Variants in LRRK2 observed in about 807,000 individuals in gnomAD.
LRRK2 encodes the protein leucine rich repeat kinase 2.
Under a neutral mutation model 302.6 loss-of-function variants are expected in LRRK2, and 203 were observed. That is an observed-to-expected ratio of 0.67 (90% CI 0.60 to 0.75). LRRK2 has a LOEUF of 0.75. Ranked by LOEUF, LRRK2 falls within the 30% of genes least tolerant of loss-of-function variation. The pLI, the probability that LRRK2 is intolerant of heterozygous loss-of-function variation, is 0.00. For synonymous variants in LRRK2, 1,066 were observed against 1,031.9 expected (o/e 1.03, Z -0.63); for missense variants, 2,830 against 2,951.0 (o/e 0.96, Z 0.95).
In LRRK2 at chr12:40,249,813, A is replaced by G; in HGVS notation, c.839-13A>G. On this transcript the variant is annotated splice_polypyrimidine_tract_variant and intron_variant, in intron 7 of 50. Transcript: ENST00000298910. ...TGGATGAGAATTCAGCTAATGTTTC[A>G]CTTAACTTTTAGGTAATTTTTTCAA... is the stretch of plus-strand genomic sequence containing the variant. The G allele has an allele frequency of 6.2e-7, 1 of 1,613,188 alleles. No individual in the cohort carries two copies.
rs1233149412 is a variant in LRRK2 at position 40,368,833 on chromosome 12, T to C, written c.*1068T>C. ...TCTGCCACCCTAGGCTTCCAAATTATACTTAAATTGTTTACATAGCTTACC... is the reference window on the plus strand; with the variant it reads ...TCTGCCACCCTAGGCTTCCAAATTACACTTAAATTGTTTACATAGCTTACC... On this transcript the variant is annotated 3_prime_UTR_variant, in exon 51 of 51. Transcript: ENST00000298910. 6.6e-6 allele frequency: 1 copy of C among 151,854 alleles called. No individual in the cohort carries two copies. The highest frequency in any genetic ancestry group is 2.4e-5 in the African/African-American group (1 of 41,382). 9.4% of individuals were successfully genotyped at this position (151,854 alleles called of 1,614,324 possible). A position where few individuals can be genotyped will look rare whatever the true frequency, so the allele number is the denominator to read the frequency against.
chr12:40,358,549 G>GT (rs898709769), intron 46 of LRRK2, among the ~76,000 whole-genome samples: 1 of 152,038 alleles, frequency 6.6e-6, no homozygotes, highest in Non-Finnish European at 1.5e-5. Context: ...AAATATGTGG[G>GT]TTTATTTCTG....
chr12:40,276,923 C>A (rs947436456), intron 16 of LRRK2, among the ~76,000 whole-genome samples: 1 of 152,128 alleles, frequency 6.6e-6, no homozygotes, highest in Admixed American at 6.5e-5. Context: ...ACCTCTGCCT[C>A]CTGGGCCCAT....
intron 7 of LRRK2, among the ~76,000 whole-genome samples, chr12:40,246,199 G>T (rs1941973114): frequency 1.3e-5 from 2 of 151,286 alleles, no homozygotes; most frequent in African/African-American, 4.8e-5. Flanking sequence ...TTTACAATGT[G>T]GGCTTAAAAA....
chr12:40,232,112 T>A lies in LRRK2; in HGVS notation c.238-162T>A, dbSNP rs866247924. Among the ~76,000 whole-genome samples, 26 of 152,320 alleles carry A rather than the reference T, an allele frequency of 1.7e-4. No individual in the cohort carries two copies. In the Middle Eastern group the frequency reaches 0.017, roughly 100 times the overall value. On this transcript the variant is annotated intron_variant, in intron 2 of 50. Transcript: ENST00000298910. ...GTATCCTAAGAATACGGCTTGCTTT[T>A]GTTTCTGGGTAAGCATTTTAGGGTA...
chr12:40,315,707 C>CTTAAATGCT (rs1346768453), intron 33 of LRRK2, among the ~76,000 whole-genome samples: 2 of 151,966 alleles, frequency 1.3e-5, no homozygotes, highest in Non-Finnish European at 2.9e-5. Flanking sequence ...TGAGTTTTGA[C>CTTAAATGCT]TTAAGTGAAA....
At chr12:40,340,657 G>A (rs1310815758) in intron 41 of LRRK2, among the ~76,000 whole-genome samples, 1 of 152,070 alleles carries the variant, frequency 6.6e-6, no homozygotes, top group African/African-American at 2.4e-5. Context: ...ATTTTTCAGG[G>A]CAAAAACTGA....
chr12:40,334,411 C>A (rs1044963467), intron 39 of LRRK2, among the ~76,000 whole-genome samples: 1 of 152,114 alleles, frequency 6.6e-6, no homozygotes, highest in Non-Finnish European at 1.5e-5. Context: ...TAACTTTTGA[C>A]CTCCCCAAAA....
At chr12:40,303,884 G>A in intron 26 of LRRK2, 64 bp from the exon 27 acceptor site, 1 of 1,479,504 alleles carries the variant, frequency 6.8e-7, no homozygotes, top group East Asian at 2.3e-5. Context: ...AATTATTTGT[G>A]ATGTTATTTC....
At chr12:40,274,561 GC>G (rs770749642) in intron 14 of LRRK2, 21 bp from the exon 15 acceptor site, 1 of 1,612,428 alleles carries the variant, frequency 6.2e-7, no homozygotes, top group Admixed American at 1.7e-5. Flanking sequence ...ATTTTTAACA[GC>G]GAGTATTCTT....
intron 33 of LRRK2, 85 bp from the exon 34 acceptor site, chr12:40,319,903 C>A: frequency 7.6e-7 from 1 of 1,317,664 alleles, no homozygotes; most frequent in Non-Finnish European, 1.1e-6. Context: ...ACTACTTTCA[C>A]TGAGCAAAGA....
At chr12:40,336,099 A>G (rs560353084) in intron 40 of LRRK2, among the ~76,000 whole-genome samples, 58 of 152,128 alleles carry the variant, frequency 3.8e-4, no homozygotes, top group Non-Finnish European at 7.5e-4. Flanking sequence ...TGAAAGTTGG[A>G]TCAGGACTTG....
Position 40,291,258 on chromosome 12 carries a change from A to G in LRRK2, c.2690-2287A>G, listed in dbSNP as rs1041439268. Among the ~76,000 whole-genome samples the G allele has an allele frequency of 2.6e-5, 4 of 151,410 alleles. No individual in the cohort carries two copies. In the East Asian group the frequency reaches 7.8e-4, roughly 29 times the overall value. The stretch of plus-strand genomic sequence containing the variant: ...AACACTTGGACACAGGAAGGGGAAC[A>G]TCACACACCAGGGCCTGTTGTGGGG... On this transcript the variant is annotated intron_variant, in intron 20 of 50. Transcript: ENST00000298910.
At chr12:40,366,525 G>A (rs1463474370) in intron 49 of LRRK2, 2 of 163,532 alleles carry the variant, frequency 1.2e-5, no homozygotes, top group East Asian at 3.6e-4. Context: ...CTACATAGAA[G>A]ACTTTTGATG....
chr12:40,320,186 C>A lies in LRRK2; in HGVS notation c.5015+11C>A. ...GCTGGTTCCAAGCAGGTAAAGAAAA[C>A]CTTAAAAAATTAATTGCTACATGGA... On this transcript the variant is annotated intron_variant, in intron 34 of 50. Coordinates refer to ENST00000298910, the MANE Select transcript of LRRK2 (RefSeq NM_198578.4). The A allele has an allele frequency of 1.9e-6, 3 of 1,607,360 alleles. No homozygotes were observed. The highest frequency in any genetic ancestry group is 2.6e-6 in the Non-Finnish European group (3 of 1,175,550).
At chr12:40,328,084 C>G (rs1040335441) in intron 38 of LRRK2, among the ~76,000 whole-genome samples, 8 of 152,054 alleles carry the variant, frequency 5.3e-5, no homozygotes, top group Non-Finnish European at 8.8e-5. Context: ...TGAAAATTCT[C>G]TACATTAAAG....
intron 13 of LRRK2, among the ~76,000 whole-genome samples, chr12:40,259,846 G>A (rs1203165403): frequency 6.6e-6 from 1 of 152,080 alleles, no homozygotes; most frequent in Admixed American, 6.6e-5. Flanking sequence ...TGTAAAATGT[G>A]GAGCTTTTAT....
intron 49 of LRRK2, chr12:40,365,788 T>C (rs563734242): frequency 1.3e-5 from 2 of 152,102 alleles, no homozygotes; most frequent in Non-Finnish European, 2.9e-5. Context: ...CAAGTATATG[T>C]GAAAGAGGAA....
At chr12:40,338,945 C>T (rs1945954056) in intron 40 of LRRK2, among the ~76,000 whole-genome samples, 1 of 152,102 alleles carries the variant, frequency 6.6e-6, no homozygotes, top group Admixed American at 6.6e-5. Flanking sequence ...TGAAGGTCAA[C>T]TTCATTAGTG....
Sources: gnomAD v4.1 joint callset for allele counts (sites outside exome capture counted in the v4.1 genomes callset) on GRCh38, gnomAD v4.1.1 for gene constraint, MANE v1.5 for transcripts, NCBI Gene and HGNC (gene_info 2026-07-23, HGNC 2026-07-21) for gene names.